TBC1D8: variants seen among roughly 807,000 people sequenced by gnomAD.
TBC1D8 encodes the protein BUB2-like protein 1.
In TBC1D8, 65 loss-of-function variants were observed where a neutral mutation model predicts 118.8. The ratio of observed to expected loss-of-function variants is 0.55; its 90% CI spans 0.45 to 0.67. TBC1D8 has a LOEUF of 0.67. Among genes scored for constraint, TBC1D8 ranks in the 30% least tolerant of loss-of-function variants. TBC1D8 has a pLI of 0.00. For missense variants in TBC1D8, 1,376 were observed against 1,471.2 expected (o/e 0.94, Z 1.06); for synonymous variants, 566 against 595.8 (o/e 0.95, Z 0.73).
chr2:101,092,376 G>A (rs189958538), intron 1 of TBC1D8, among the ~76,000 whole-genome samples: 9 of 152,248 alleles, frequency 5.9e-5, no homozygotes, highest in Non-Finnish European at 1.5e-5. Context: ...TCTTGGTAAC[G>A]TTCGCTTTCA....
chr2:101,016,148 G>A (rs1679617248), intron 17 of TBC1D8, among the ~76,000 whole-genome samples: 1 of 152,168 alleles, frequency 6.6e-6, no homozygotes, highest in Non-Finnish European at 1.5e-5. Flanking sequence ...TCTTCAAAAT[G>A]GGAGAAAATT....
rs185766049 is a variant in TBC1D8 at position 101,105,107 on chromosome 2, T to G, written c.128-14743A>C. On this transcript the variant is annotated intron_variant, in intron 1 of 19. Transcript: ENST00000409318. ...AAGTGTGGTGATGACTCTGTAGAGATAACACCAGAAGCATGATCCATGGGG... is the reference window on the plus strand; with the variant it reads ...AAGTGTGGTGATGACTCTGTAGAGAGAACACCAGAAGCATGATCCATGGGG... Among the ~76,000 whole-genome samples, 36 of 151,544 alleles carry G rather than the reference T, an allele frequency of 2.4e-4. 1 individual carries two copies. In the East Asian group the frequency reaches 6.6e-3, roughly 28 times the overall value.
chr2:101,043,255 A>G (rs1681493441), intron 5 of TBC1D8, among the ~76,000 whole-genome samples: 1 of 152,220 alleles, frequency 6.6e-6, no homozygotes, highest in Admixed American at 6.5e-5. Flanking sequence ...GAAAAGCACC[A>G]TAAACGCTCT....
At chr2:101,110,980 C>CAAA (rs10708630) in intron 1 of TBC1D8, among the ~76,000 whole-genome samples, 1 of 87,208 alleles carries the variant, frequency 1.1e-5, no homozygotes, top group Non-Finnish European at 2.3e-5. Flanking sequence ...AACTCCATCG[C>CAAA]AAAAAAAAAA....
chr2:101,129,702 G>C (rs1308487921), intron 1 of TBC1D8, among the ~76,000 whole-genome samples: 1 of 151,588 alleles, frequency 6.6e-6, no homozygotes, highest in Non-Finnish European at 1.5e-5. Context: ...TCAGGAGATC[G>C]AGACCATCCT....
chr2:101,108,778 C>G (rs1677395218), intron 1 of TBC1D8, among the ~76,000 whole-genome samples: 1 of 141,556 alleles, frequency 7.1e-6, no homozygotes, highest in Admixed American at 7.3e-5. Flanking sequence ...AGCTGATAAG[C>G]AACCTTACTT....
intron 1 of TBC1D8, among the ~76,000 whole-genome samples, chr2:101,106,539 C>A (rs1363498884): frequency 6.6e-6 from 1 of 152,186 alleles, no homozygotes; most frequent in Non-Finnish European, 1.5e-5. Context: ...CGGCAAAGAA[C>A]CATACACAAG....
Position 101,117,893 on chromosome 2 carries a change from T to C in TBC1D8, c.128-27529A>G, listed in dbSNP as rs1047130016. 3.7e-4 allele frequency among the ~76,000 whole-genome samples: 55 copies of C among 150,634 alleles called. 2 individuals carry two copies. The highest frequency in any genetic ancestry group is 1.3e-4 in the Non-Finnish European group (9 of 67,616). ...CCCGGCCTTTTTTTTTTTTTTTTTT[T>C]TTAACCTTTAAAAAGAGTGACCTCC... is the stretch of plus-strand genomic sequence containing the variant. On this transcript the variant is annotated intron_variant, in intron 1 of 19. Coordinates refer to ENST00000409318, the MANE Select transcript of TBC1D8 (RefSeq NM_001330348.2).
At chr2:101,038,976 C>T (rs557461711) in intron 6 of TBC1D8, among the ~76,000 whole-genome samples, 1 of 152,210 alleles carries the variant, frequency 6.6e-6, no homozygotes, top group East Asian at 1.9e-4. Context: ...AGGCCAGTCA[C>T]AAATATTGTA....
intron 16 of TBC1D8, 109 bp downstream of exon 16, chr2:101,022,172 A>C: frequency 1.3e-6 from 2 of 1,528,802 alleles, no homozygotes; most frequent in Non-Finnish European, 1.8e-6. Flanking sequence ...CAGGCCAGTC[A>C]CAAAAGTGTT....
chr2:101,115,650 C>T (rs1364055493), intron 1 of TBC1D8, among the ~76,000 whole-genome samples: 1 of 152,098 alleles, frequency 6.6e-6, no homozygotes, highest in East Asian at 1.9e-4. Context: ...ACTTGGGAGG[C>T]CAAGGCACAA....
intron 2 of TBC1D8, among the ~76,000 whole-genome samples, chr2:101,082,553 A>C (rs1163116081): frequency 6.6e-6 from 1 of 152,246 alleles, no homozygotes; most frequent in Non-Finnish European, 1.5e-5. Flanking sequence ...ATATGATTTC[A>C]AACAGAAAGC....
intron 19 of TBC1D8, among the ~76,000 whole-genome samples, 185 bp from the exon 20 acceptor site, chr2:101,008,458 A>G (rs1193811860): frequency 6.6e-6 from 1 of 152,212 alleles, no homozygotes; most frequent in East Asian, 1.9e-4. Flanking sequence ...GAATTTCAGC[A>G]CAGACTTGGA....
At chr2:101,035,218 C>CA (rs1680931972) in intron 9 of TBC1D8, among the ~76,000 whole-genome samples, 1 of 152,130 alleles carries the variant, frequency 6.6e-6, no homozygotes, top group Non-Finnish European at 1.5e-5. Context: ...GGAAGGGACC[C>CA]TCTCACCTGG....
At chr2:101,039,579 AT>A (rs1215138615) in intron 6 of TBC1D8, among the ~76,000 whole-genome samples, 1 of 152,220 alleles carries the variant, frequency 6.6e-6, no homozygotes, top group African/African-American at 2.4e-5. Flanking sequence ...TCTCACCAGA[AT>A]TGCTGCCCTG....
intron 2 of TBC1D8, among the ~76,000 whole-genome samples, chr2:101,080,804 A>G (rs1675216397): frequency 6.6e-6 from 1 of 150,830 alleles, no homozygotes; most frequent in Admixed American, 6.6e-5. Flanking sequence ...TTTTTTGGAG[A>G]CAGGGTCTTG....
intron 17 of TBC1D8, among the ~76,000 whole-genome samples, chr2:101,015,768 G>A (rs377554322): frequency 5.3e-5 from 8 of 152,070 alleles, no homozygotes; most frequent in African/African-American, 1.2e-4. Context: ...AAACAACGCC[G>A]CATATCCACA....
In TBC1D8 at chr2:101,050,642, C is replaced by T; in HGVS notation, c.632-1G>A. On this transcript the variant is annotated splice_acceptor_variant, in intron 4 of 19. Coordinates refer to ENST00000409318, the MANE Select transcript of TBC1D8 (RefSeq NM_001330348.2). LOFTEE classifies it high-confidence loss of function. ...TCAACCCACGGAACCACAAGTTTAACTGTAAGAGAAAAGGGTGAAATACCT... is the reference window on the plus strand; with the variant it reads ...TCAACCCACGGAACCACAAGTTTAATTGTAAGAGAAAAGGGTGAAATACCT... 6.2e-7 allele frequency: 1 copy of T among 1,612,892 alleles called. No individual in the cohort carries two copies. The highest frequency in any genetic ancestry group is 8.5e-7 in the Non-Finnish European group (1 of 1,179,516).
chr2:101,067,343 C>T (rs941569602), intron 2 of TBC1D8, among the ~76,000 whole-genome samples: 1 of 152,134 alleles, frequency 6.6e-6, no homozygotes, highest in Admixed American at 6.5e-5. Flanking sequence ...GTGACAATCA[C>T]AGATGACCAA....
Sources: allele counts gnomAD v4.1 joint callset (sites outside exome capture counted in the v4.1 genomes callset), GRCh38; gene constraint gnomAD v4.1.1; transcripts MANE v1.5; gene names NCBI Gene and HGNC (gene_info 2026-07-23, HGNC 2026-07-21).